The following MCC variants were observed in gnomAD, a reference collection of about 807,000 sequenced individuals.
The protein encoded by MCC is MCC regulator of Wnt signaling pathway, also known as colorectal mutant cancer protein.
A neutral mutation model predicts 116.2 loss-of-function variants in MCC; 90 were observed. The ratio of observed to expected loss-of-function variants is 0.77; its 90% CI spans 0.65 to 0.92. The LOEUF (loss-of-function observed/expected upper bound fraction) is 0.92, where lower values mean the gene tolerates loss of function less well. MCC is among the 40% of genes least tolerant of loss of function. The pLI, the probability that MCC is intolerant of heterozygous loss-of-function variation, is 0.00. For synonymous variants in MCC, 578 were observed against 510.5 expected (o/e 1.13, Z -1.78); for missense variants, 1,516 against 1,312.2 (o/e 1.16, Z -2.40).
chr5:113,175,986 C>G (rs550586585), intron 3 of MCC, among the ~76,000 whole-genome samples: 1 of 152,076 alleles, frequency 6.6e-6, no homozygotes, highest in Non-Finnish European at 1.5e-5. Context: ...AGGGAAAAAA[C>G]ACTTTCTCTC....
intron 1 of MCC, among the ~76,000 whole-genome samples, chr5:113,430,077 C>T (rs1770587284): frequency 1.3e-5 from 2 of 152,178 alleles, no homozygotes; most frequent in African/African-American, 4.8e-5. Flanking sequence ...ATCCAAGCAA[C>T]CTTCTCATTA....
At chr5:113,188,227 A>G (rs1761995807) in intron 3 of MCC, among the ~76,000 whole-genome samples, 1 of 152,216 alleles carries the variant, frequency 6.6e-6, no homozygotes, top group Admixed American at 6.5e-5. Context: ...ATTGTCTATT[A>G]CAAATTCATC....
intron 3 of MCC, among the ~76,000 whole-genome samples, chr5:113,152,400 G>C (rs1759936867): frequency 6.6e-6 from 1 of 152,166 alleles, no homozygotes; most frequent in African/African-American, 2.4e-5. Flanking sequence ...ATTCCAGGTG[G>C]AGCTCAGACC....
chr5:113,122,725 G>C lies in MCC; in HGVS notation c.986C>G (p.Ser329Cys). Residue 329 changes from serine (S) to cysteine (C), a missense_variant, in exon 6 of 19, where the codon TCT becomes TGT. Ser to Cys is a moderately radical substitution (Grantham distance 112). Coordinates refer to ENST00000408903, the MANE Select transcript of MCC (RefSeq NM_001085377.2). ...CATGGTAGACTGGTTTTCGGGGATA[G>C]AGACAGAGGTCTGGTCTTGGTCCAT... ...RSMDQDQTSV[S>C]IPENQSTMVT... The C allele has an allele frequency of 6.2e-7, 1 of 1,614,214 alleles. No homozygotes were observed. The highest frequency in any genetic ancestry group is 1.1e-5 in the South Asian group (1 of 91,086).
At chr5:113,291,021 T>TTTATTG (rs1766473957) in intron 3 of MCC, among the ~76,000 whole-genome samples, 2 of 152,228 alleles carry the variant, frequency 1.3e-5, no homozygotes, top group Admixed American at 6.5e-5. Context: ...AGACTTGACA[T>TTTATTG]AAGCCATTTA....
chr5:113,412,820 T>G (rs1174905924), intron 1 of MCC, among the ~76,000 whole-genome samples: 1 of 152,006 alleles, frequency 6.6e-6, no homozygotes, highest in Non-Finnish European at 1.5e-5. Context: ...TGAATAGGAG[T>G]GGTGAGAGAG....
chr5:113,259,673 A>G (rs1467168131), intron 3 of MCC, among the ~76,000 whole-genome samples: 1 of 152,042 alleles, frequency 6.6e-6, no homozygotes, highest in African/African-American at 2.4e-5. Flanking sequence ...CTTTAGGGTG[A>G]TTCGAACTCC....
intron 1 of MCC, among the ~76,000 whole-genome samples, chr5:113,459,389 T>A (rs755249520): frequency 6.6e-6 from 1 of 151,410 alleles, no homozygotes; most frequent in African/African-American, 2.4e-5. Context: ...TACAAAAAAA[T>A]TGGCCGGGCG....
intron 5 of MCC, among the ~76,000 whole-genome samples, chr5:113,136,718 G>GT (rs1287638115): frequency 1.2e-4 from 19 of 152,146 alleles, no homozygotes; most frequent in African/African-American, 4.3e-4. Flanking sequence ...TTTACTGAAT[G>GT]TATCAGTTCT....
chr5:113,354,068 C>T (rs1158990080), intron 2 of MCC, among the ~76,000 whole-genome samples: 1 of 152,192 alleles, frequency 6.6e-6, no homozygotes, highest in Admixed American at 6.5e-5. Flanking sequence ...CCCACCAAAT[C>T]TCAGTGGCTT....
Position 113,394,496 on chromosome 5 carries a change from A to G in MCC, c.171-9284T>C, listed in dbSNP as rs1769477733. ...TAGCTGGGCCTACCTCTCTAGTCTC[A>G]TCTTCTTGCTGAAGTAGGTAGCCTT... On this transcript the variant is annotated intron_variant, in intron 1 of 18. Coordinates refer to ENST00000408903, the MANE Select transcript of MCC (RefSeq NM_001085377.2). Among the ~76,000 whole-genome samples the G allele has an allele frequency of 3.3e-5, 5 of 152,134 alleles. No homozygotes were observed. The South Asian group carries it at 1.0e-3, about 31-fold the overall frequency.
chr5:113,303,527 G>T (rs894507132), intron 3 of MCC, among the ~76,000 whole-genome samples: 1 of 152,242 alleles, frequency 6.6e-6, no homozygotes, highest in Non-Finnish European at 1.5e-5. Flanking sequence ...AGCTGACAAT[G>T]AAGAAGTGTC....
intron 3 of MCC, chr5:113,294,562 C>G: frequency 7.5e-7 from 1 of 1,326,636 alleles, no homozygotes; most frequent in East Asian, 3.0e-5. Context: ...TTAAAAAGAG[C>G]AGCCGTGGCT....
At chr5:113,290,651 T>C (rs925560027) in intron 3 of MCC, among the ~76,000 whole-genome samples, 1 of 152,112 alleles carries the variant, frequency 6.6e-6, no homozygotes, top group Non-Finnish European at 1.5e-5. Flanking sequence ...CCCCACAAAT[T>C]TAACCAAGAC....
At chr5:113,073,465 C>T (rs749894203) in intron 11 of MCC, among the ~76,000 whole-genome samples, 22 of 152,332 alleles carry the variant, frequency 1.4e-4, no homozygotes, top group Non-Finnish European at 2.8e-4. Flanking sequence ...CTTCTAATTA[C>T]ACTTCGAATA....
At chr5:113,289,201 C>T (rs1037318755) in intron 3 of MCC, among the ~76,000 whole-genome samples, 9 of 151,736 alleles carry the variant, frequency 5.9e-5, no homozygotes, top group Non-Finnish European at 1.2e-4. Flanking sequence ...AGTGGTGGCA[C>T]GTGCCTGTAA....
intron 3 of MCC, among the ~76,000 whole-genome samples, chr5:113,270,773 G>A (rs532123577): frequency 6.6e-6 from 1 of 151,374 alleles, no homozygotes; most frequent in East Asian, 1.9e-4. Flanking sequence ...TAACTTCCAT[G>A]CATGTTACCT....
intron 6 of MCC, among the ~76,000 whole-genome samples, chr5:113,122,394 T>C (rs2150270198): frequency 1.3e-5 from 2 of 152,322 alleles, no homozygotes; most frequent in East Asian, 3.9e-4. Flanking sequence ...ATAGTTCAGA[T>C]ATTACTGTAA....
intron 3 of MCC, among the ~76,000 whole-genome samples, chr5:113,157,937 A>T (rs935329099): frequency 1.3e-5 from 2 of 152,242 alleles, no homozygotes; most frequent in African/African-American, 4.8e-5. Flanking sequence ...ATGTAAAATA[A>T]GGATGACGTG....
Sources: gnomAD v4.1 joint callset for allele counts (sites outside exome capture counted in the v4.1 genomes callset) on GRCh38, gnomAD v4.1.1 for gene constraint, MANE v1.5 for transcripts, NCBI Gene and HGNC (gene_info 2026-07-23, HGNC 2026-07-21) for gene names.